KIAA2012: variants seen among roughly 807,000 people sequenced by gnomAD.
KIAA2012 encodes the protein uncharacterized protein KIAA2012.
In KIAA2012, 125 loss-of-function variants were observed where a neutral mutation model predicts 150.6. That is an observed-to-expected ratio of 0.83 (90% CI 0.72 to 0.96). The LOEUF (loss-of-function observed/expected upper bound fraction) is 0.96. KIAA2012 is among the 40% of genes least tolerant of loss of function. The pLI, the probability that KIAA2012 is intolerant of heterozygous loss-of-function variation, is 0.00. For synonymous variants in KIAA2012, 462 were observed against 504.7 expected (o/e 0.92, Z 1.13); for missense variants, 1,219 against 1,354.9 (o/e 0.90, Z 1.57).
intron 22 of KIAA2012, chr2:202,201,997 C>A: frequency 1.7e-6 from 1 of 598,150 alleles, no homozygotes; most frequent in South Asian, 2.0e-5. Flanking sequence ...TAGCGTTACC[C>A]AACGCCTGAG....
At chr2:202,087,536 G>C (rs891368975) in intron 2 of KIAA2012, among the ~76,000 whole-genome samples, 4 of 82,834 alleles carry the variant, frequency 4.8e-5, no homozygotes, top group Non-Finnish European at 1.0e-4. Flanking sequence ...AAAAAAAAAA[G>C]GCTGCTAACC....
chr2:202,162,581 CTTTTT>C (rs890834084), intron 14 of KIAA2012, among the ~76,000 whole-genome samples: 3 of 120,868 alleles, frequency 2.5e-5, no homozygotes, highest in Admixed American at 8.4e-5. Flanking sequence ...GGCCCAGAGT[CTTTTT>C]TTTTTTTTTT....
chr2:202,079,216 G>A (rs1490504936), intron 2 of KIAA2012, among the ~76,000 whole-genome samples: 3 of 152,118 alleles, frequency 2.0e-5, no homozygotes, highest in Non-Finnish European at 2.9e-5. Flanking sequence ...GAGAGGCTTC[G>A]GGGAGGAAAA....
At chr2:202,184,325 A>G (rs549343095) in intron 15 of KIAA2012, among the ~76,000 whole-genome samples, 1 of 151,564 alleles carries the variant, frequency 6.6e-6, no homozygotes, top group East Asian at 1.9e-4. Context: ...CAGAGGGTGC[A>G]CTGACCGGAG....
intron 2 of KIAA2012, among the ~76,000 whole-genome samples, chr2:202,090,250 G>A (rs778235218): frequency 1.6e-5 from 2 of 128,838 alleles, no homozygotes; most frequent in East Asian, 1.9e-4. Context: ...CAGTGGCACT[G>A]ACTTTGGCAG....
At chr2:202,179,739 A>G (rs995619569) in intron 15 of KIAA2012, 10 of 652,210 alleles carry the variant, frequency 1.5e-5, no homozygotes, top group Non-Finnish European at 2.9e-5. Context: ...TATTTCAGTC[A>G]GATCCATCTG....
chr2:202,117,136 G>A (rs1425801503), intron 11 of KIAA2012: 1 of 152,210 alleles, frequency 6.6e-6, no homozygotes, highest in East Asian at 1.9e-4. Flanking sequence ...GCCACTCCAA[G>A]ATTCCCACAG....
At chr2:202,095,740 G>A (rs1689853096) in intron 4 of KIAA2012, among the ~76,000 whole-genome samples, 1 of 152,112 alleles carries the variant, frequency 6.6e-6, no homozygotes, top group African/African-American at 2.4e-5. Context: ...AATTGTCTCT[G>A]TATCCCCCTA....
chr2:202,177,804 C>T (rs1359601456), intron 15 of KIAA2012, among the ~76,000 whole-genome samples: 1 of 152,192 alleles, frequency 6.6e-6, no homozygotes, highest in Non-Finnish European at 1.5e-5. Context: ...GATTGAGTTT[C>T]CAACACACAA....
intron 13 of KIAA2012, among the ~76,000 whole-genome samples, chr2:202,139,840 CCAAAGGCCATG>C (rs1181300787): frequency 3.3e-5 from 5 of 152,162 alleles, no homozygotes; most frequent in Non-Finnish European, 7.4e-5. Flanking sequence ...ATTCTGCAAC[CCAAAGGCCATG>C]CAAAGGCCTC....
chr2:202,193,781 G>A (rs2105749868), intron 20 of KIAA2012, among the ~76,000 whole-genome samples: 1 of 152,292 alleles, frequency 6.6e-6, no homozygotes, highest in South Asian at 2.1e-4. Context: ...ATGACCCTGA[G>A]ATCTTCTTGG....
rs766425174 is a variant in KIAA2012 at position 202,099,709 on chromosome 2, C to T, written c.925C>T (p.Arg309Cys). 34 of 1,550,430 alleles carry T rather than the reference C, an allele frequency of 2.2e-5. No individual in the cohort carries two copies. In the Admixed American group the frequency reaches 3.1e-4, roughly 14 times the overall value. Residue 309 changes from arginine (R) to cysteine (C), a missense_variant, in exon 6 of 24, where the codon CGC becomes TGC. Transcript: ENST00000498697. ...QTSRKAFGHG[R>C]IDHSWLPSDK... ...CTCCAGGAAGGCCTTTGGGCATGGC[C>T]GCATCGATCACTCTTGGCTCCCAAG...
chr2:202,199,684 C>G (rs1290689634), intron 22 of KIAA2012, among the ~76,000 whole-genome samples: 1 of 152,036 alleles, frequency 6.6e-6, no homozygotes, highest in Non-Finnish European at 1.5e-5. Context: ...CATTAAGGAT[C>G]CCTGAAATAT....
intron 15 of KIAA2012, among the ~76,000 whole-genome samples, chr2:202,169,931 T>C (rs904783900): frequency 6.6e-6 from 1 of 152,118 alleles, no homozygotes; most frequent in Non-Finnish European, 1.5e-5. Context: ...GGATGGATCA[T>C]CTCTAGGGCC....
intron 6 of KIAA2012, 140 bp from the exon 7 acceptor site, chr2:202,100,167 C>G (rs548433731): frequency 1.1e-6 from 1 of 902,646 alleles, no homozygotes; most frequent in Admixed American, 2.9e-5. Flanking sequence ...CCTGCCTCCC[C>G]CAAAGCTAGG....
At chr2:202,110,939 C>T (rs142308182) in intron 10 of KIAA2012, among the ~76,000 whole-genome samples, 125 of 152,260 alleles carry the variant, frequency 8.2e-4, no homozygotes, top group African/African-American at 2.8e-3. Flanking sequence ...CTTCCTTCCC[C>T]GCAACATTCT....
At chr2:202,136,052 G>A (rs1380430413) in intron 12 of KIAA2012, 2 of 400,312 alleles carry the variant, frequency 5.0e-6, no homozygotes, top group Non-Finnish European at 1.0e-5. Flanking sequence ...CGGAAATGGT[G>A]GGTTCTTGGT....
At position 202,187,089 on chromosome 2, in the gene KIAA2012, C is replaced by T. The variant is rs1410924846; in HGVS notation, c.2367C>T (p.Asn789=). The T allele has an allele frequency of 6.4e-7, 1 of 1,550,486 alleles. No individual in the cohort carries two copies. Among genetic ancestry groups the T allele is most frequent in the East Asian group, 2.4e-5 (1 of 40,918 alleles). Residue 789 remains asparagine (N), a synonymous_variant, in exon 17 of 24, where the codon AAC becomes AAT. Coordinates refer to ENST00000498697, the MANE Select transcript of KIAA2012 (RefSeq NM_001277372.4). ...PRLFSQETSA[N]ISHERDLINE... is the part of the protein sequence containing the mutation. ...TGTTTAGCCAGGAGACATCAGCCAA[C>T]ATCAGTCATGTGAGTGTAAACCCCT...
intron 10 of KIAA2012, among the ~76,000 whole-genome samples, chr2:202,112,945 C>T (rs922120270): frequency 2.0e-5 from 3 of 152,128 alleles, no homozygotes; most frequent in South Asian, 2.1e-4. Flanking sequence ...CTGATGGAGG[C>T]GGACAGCAGA....
Sources: gnomAD v4.1 joint callset for allele counts (sites outside exome capture counted in the v4.1 genomes callset) on GRCh38, gnomAD v4.1.1 for gene constraint, MANE v1.5 for transcripts, NCBI Gene and HGNC (gene_info 2026-07-23, HGNC 2026-07-21) for gene names.